Variants in PCF11 observed in about 807,000 individuals in gnomAD.
The protein encoded by PCF11 is pre-mRNA cleavage complex 2 protein Pcf11.
Under a neutral mutation model 166.1 loss-of-function variants are expected in PCF11, and 19 were observed. The ratio of observed to expected loss-of-function variants is 0.11; its 90% CI spans 0.08 to 0.17. PCF11 has a LOEUF of 0.17. Among genes scored for constraint, PCF11 ranks in the 10% least tolerant of loss-of-function variants. The pLI, the probability that PCF11 is intolerant of heterozygous loss-of-function variation, is 1.00. For missense variants in PCF11, 1,565 were observed against 1,855.5 expected, an observed-to-expected ratio of 0.84 and a Z score of 2.88; for synonymous variants, 663 against 644.1, an observed-to-expected ratio of 1.03 and a Z score of -0.44.
Position 83,167,375 on chromosome 11 carries a change from T to C in PCF11, c.2002-40T>C, listed in dbSNP as rs1418943630. 2.0e-6 allele frequency: 3 copies of C among 1,513,264 alleles called. No individual in the cohort carries two copies. The South Asian group carries it at 4.0e-5, about 20-fold the overall frequency. 93.7% of individuals were successfully genotyped at this position (1,513,264 alleles called of 1,614,324 possible). A position where few individuals can be genotyped will look rare whatever the true frequency, so the allele number is the denominator to read the frequency against. ...CGTCTATTTTTTTGGTATTTTTTTA[T>C]ATTTAAAATATTTTATTTCCTTTTA... On this transcript the variant is annotated intron_variant, in intron 6 of 15. Transcript: ENST00000298281. This position sits in a 1 kb window ranked among gnomAD's most constrained non-coding sequence, Gnocchi z 4.2.
exon 5 of PCF11, chr11:83,165,670 T>G: frequency 6.2e-7 from 1 of 1,613,786 alleles, no homozygotes; most frequent in Middle Eastern, 1.6e-4. Flanking sequence ...AAATTACATG[T>G]TTCACAGATT....
chr11:83,179,531 T>C (rs1861010841), intron 11 of PCF11, among the ~76,000 whole-genome samples: 1 of 152,196 alleles, frequency 6.6e-6, no homozygotes, highest in South Asian at 2.1e-4. Context: ...ATTACAGGTT[T>C]GAGCCACCTA....
chr11:83,177,380 G>T (rs1338153038), intron 10 of PCF11, among the ~76,000 whole-genome samples, 176 bp downstream of exon 10: 1 of 152,080 alleles, frequency 6.6e-6, no homozygotes, highest in Non-Finnish European at 1.5e-5. Context: ...TCCTAAGATT[G>T]AACTACCTTA....
intron 11 of PCF11, among the ~76,000 whole-genome samples, chr11:83,179,940 T>A (rs187553611): frequency 1.4e-3 from 218 of 151,586 alleles, no homozygotes; most frequent in African/African-American, 5.0e-3. Context: ...GGGCGGGGGG[T>A]GGATTTAGCT....
rs1046145054 is a variant in PCF11, at chr11:83,168,007, T to G, written c.2093-421T>G. ...TGTGACTGTTCAGATTACCATTTTT[T>G]TTCCCATTTATTTTGTTATGTTTTT... On this transcript the variant is annotated intron_variant, in intron 7 of 15. Coordinates refer to ENST00000298281, the Ensembl canonical transcript of PCF11. 9.2e-6 allele frequency: 8 copies of G among 874,312 alleles called. No homozygotes were observed. The African/African-American group carries it at 1.4e-4, about 15-fold the overall frequency. The allele number at this position is 874,312 out of a possible 1,614,324, so 54.2% of individuals were successfully genotyped here.
At chr11:83,169,958 C>T (rs1860627169) in exon 8 of PCF11, 13 of 1,601,728 alleles carry the variant, frequency 8.1e-6, no homozygotes, top group Non-Finnish European at 1.0e-5. Flanking sequence ...AATATACCTG[C>T]TCCAATGACA....
chr11:83,170,035 G>C (rs1860631639), intron 8 of PCF11, 40 bp downstream of exon 8: 11 of 1,487,760 alleles, frequency 7.4e-6, no homozygotes, highest in Non-Finnish European at 9.8e-6. Flanking sequence ...ATGCAGATAA[G>C]TTAACCATTT....
At chr11:83,177,626 C>T in intron 10 of PCF11, 88 bp from the exon 11 acceptor site, 1 of 564,410 alleles carries the variant, frequency 1.8e-6, no homozygotes, top group Non-Finnish European at 2.9e-6. Context: ...GTGGATTTCT[C>T]TATTTGCTTA....
chr11:83,175,587 C>G (rs1022953779), intron 9 of PCF11, among the ~76,000 whole-genome samples: 6 of 152,060 alleles, frequency 3.9e-5, no homozygotes, highest in African/African-American at 4.8e-5. Flanking sequence ...CCCGTCTCTA[C>G]TAAAAATACA....
In PCF11 at chr11:83,161,314, T is replaced by C; in HGVS notation, c.193-13T>C. The C allele has an allele frequency of 6.3e-7, 1 of 1,585,292 alleles. No individual in the cohort carries two copies. Among genetic ancestry groups the C allele is most frequent in the Non-Finnish European group, 8.6e-7 (1 of 1,168,756 alleles). Reference sequence around the variant, plus strand: ...ATTCATTATACTAAACTTCTCAGTTTCTTTTTATTCAGGCTCCTTCCTCAG... The same window carrying C: ...ATTCATTATACTAAACTTCTCAGTTCCTTTTTATTCAGGCTCCTTCCTCAG... On this transcript the variant is annotated splice_polypyrimidine_tract_variant and intron_variant, in intron 1 of 15. Transcript: ENST00000298281.
At chr11:83,180,199 T>G (rs1322648170) in intron 11 of PCF11, 1 of 151,398 alleles carries the variant, frequency 6.6e-6, no homozygotes, top group Non-Finnish European at 1.5e-5. Context: ...GTGATTCTCC[T>G]GCCTCAGCCT....
exon 10 of PCF11, chr11:83,177,098 G>T (rs1051752697): frequency 5.8e-6 from 9 of 1,555,740 alleles, no homozygotes; most frequent in Non-Finnish European, 7.8e-6. Flanking sequence ...CCCTCCCTAA[G>T]GCATATCCTG....
rs1046894887 is a variant in PCF11, at chr11:83,167,076, A to G, written c.1818-49A>G. ...AGAATCTTTAAATATGGTCCTGAGTATTTTTTAAAAAAACATTTCAATGTA... is the reference window on the plus strand; with the variant it reads ...AGAATCTTTAAATATGGTCCTGAGTGTTTTTTAAAAAAACATTTCAATGTA... On this transcript the variant is annotated intron_variant, in intron 5 of 15. Transcript: ENST00000298281. This position sits in a 1 kb window ranked among gnomAD's most constrained non-coding sequence, Gnocchi z 4.2. 8.4e-6 allele frequency: 12 copies of G among 1,435,426 alleles called. No homozygotes were observed. The highest frequency in any genetic ancestry group is 9.6e-6 in the Non-Finnish European group (10 of 1,042,276). The allele number at this position is 1,435,426 out of a possible 1,614,324, so 88.9% of individuals were successfully genotyped here. A position where few individuals can be genotyped will look rare whatever the true frequency, so the allele number is the denominator to read the frequency against.
In PCF11 at chr11:83,167,664, T is replaced by A. The variant is rs1253628197; in HGVS notation, c.2092+159T>A. ...GCATTCATTTCCAAGACTTGATCTCTTAGATCCTGATATTTTTGACTACCC... is the reference window on the plus strand; with the variant it reads ...GCATTCATTTCCAAGACTTGATCTCATAGATCCTGATATTTTTGACTACCC... On this transcript the variant is annotated intron_variant, in intron 7 of 15. Transcript: ENST00000298281. The surrounding 1 kb of genome is among the most constrained non-coding windows in gnomAD (Gnocchi z 4.2). The A allele has an allele frequency of 6.5e-7, 1 of 1,526,718 alleles. No individual in the cohort carries two copies. The highest frequency in any genetic ancestry group is 8.8e-7 in the Non-Finnish European group (1 of 1,140,820). The allele number at this position is 1,526,718 out of a possible 1,614,324, so 94.6% of individuals were successfully genotyped here.
intron 8 of PCF11, 125 bp from the exon 9 acceptor site, chr11:83,171,693 T>C: frequency 1.5e-6 from 1 of 670,514 alleles, no homozygotes; most frequent in Non-Finnish European, 2.7e-6. Flanking sequence ...CCAAGTTATC[T>C]TTCTAAATCT....
At chr11:83,166,576 A>C in exon 5 of PCF11, 1 of 1,614,010 alleles carries the variant, frequency 6.2e-7, no homozygotes, top group South Asian at 1.1e-5. Flanking sequence ...CGAATGAAAA[A>C]GACTGAAGAG....
At chr11:83,166,993 C>A in intron 5 of PCF11, 132 bp from the exon 6 acceptor site, 1 of 730,714 alleles carries the variant, frequency 1.4e-6, no homozygotes, top group Non-Finnish European at 2.2e-6. Flanking sequence ...TGCTCTTAAT[C>A]ATTTATTTAA....
At chr11:83,163,307 G>A (rs1186233436) in intron 2 of PCF11, among the ~76,000 whole-genome samples, 2 of 152,022 alleles carry the variant, frequency 1.3e-5, no homozygotes, top group African/African-American at 4.8e-5. Flanking sequence ...AAACATTTAA[G>A]CCATCAGGTA....
intron 9 of PCF11, among the ~76,000 whole-genome samples, chr11:83,174,968 G>A (rs145766604): frequency 1.1e-4 from 17 of 152,270 alleles, no homozygotes; most frequent in African/African-American, 3.6e-4. Flanking sequence ...ATTAGCCTAC[G>A]ATATATAAGG....
Sources: allele counts gnomAD v4.1 joint callset (sites outside exome capture counted in the v4.1 genomes callset), GRCh38; gene constraint gnomAD v4.1.1; non-coding constraint Gnocchi (gnomAD v3.1); transcripts MANE v1.5; gene names NCBI Gene and HGNC (gene_info 2026-07-23, HGNC 2026-07-21).